CNTN4: variants seen among roughly 807,000 people sequenced by gnomAD.
CNTN4 encodes the protein contactin-4.
A neutral mutation model predicts 122.5 loss-of-function variants in CNTN4; 77 were observed. The observed-to-expected ratio is 0.63, with a 90% CI of 0.52 to 0.76. The LOEUF is 0.76. Among genes scored for constraint, CNTN4 ranks in the 30% least tolerant of loss-of-function variants. CNTN4 has a pLI of 0.00. For synonymous variants in CNTN4, 512 were observed against 447.0 expected (o/e 1.15, Z -1.83); for missense variants, 1,256 against 1,259.1 (o/e 1.00, Z 0.04).
At chr3:2,358,552 G>GAGA (rs1258273367) in intron 3 of CNTN4, among the ~76,000 whole-genome samples, 7 of 151,820 alleles carry the variant, frequency 4.6e-5, no homozygotes, top group African/African-American at 2.4e-5. Flanking sequence ...CTTGCTGAGG[G>GAGA]AGAAATAAGG....
intron 2 of CNTN4, among the ~76,000 whole-genome samples, chr3:2,293,839 G>A (rs2042215455): frequency 6.6e-6 from 1 of 151,594 alleles, no homozygotes; most frequent in Non-Finnish European, 1.5e-5. Context: ...CTTGGTATTG[G>A]GTTTGTGTCA....
At chr3:2,116,265 A>G (rs555377489) in intron 2 of CNTN4, among the ~76,000 whole-genome samples, 39 of 152,284 alleles carry the variant, frequency 2.6e-4, no homozygotes, top group Admixed American at 2.0e-3. Flanking sequence ...TAGACCAGGC[A>G]TACATCTCAA....
rs149453968 is a variant in CNTN4, at chr3:2,410,544, T to C, written c.-89+71311T>C. Among the ~76,000 whole-genome samples the C allele has an allele frequency of 3.9e-3, 596 of 152,324 alleles. 4 individuals carry two copies. Among genetic ancestry groups the C allele is most frequent in the African/African-American group, 0.014 (582 of 41,574 alleles). On this transcript the variant is annotated intron_variant, in intron 3 of 24. Coordinates refer to ENST00000418658, the MANE Select transcript of CNTN4 (RefSeq NM_175607.3). ...CTCAGAGGATATTTGAAGATAACTT[T>C]TTTATTATCCTATTTTCATATTCTG...
intron 12 of CNTN4, among the ~76,000 whole-genome samples, chr3:2,904,395 A>T (rs1387055665): frequency 6.6e-6 from 1 of 152,352 alleles, no homozygotes; most frequent in Non-Finnish European, 1.5e-5. Context: ...GTAAAAAAAT[A>T]AAAAGAAAGA....
chr3:2,765,507 T>C (rs899777466), intron 6 of CNTN4, among the ~76,000 whole-genome samples: 1 of 152,236 alleles, frequency 6.6e-6, no homozygotes, highest in Non-Finnish European at 1.5e-5. Flanking sequence ...CTATTTGTTT[T>C]CCTGGGATTA....
chr3:2,540,331 G>C (rs1215619767), intron 3 of CNTN4, among the ~76,000 whole-genome samples: 2 of 151,978 alleles, frequency 1.3e-5, no homozygotes, highest in African/African-American at 4.8e-5. Flanking sequence ...GCACCACCCA[G>C]CTGAGTCTCC....
intron 4 of CNTN4, among the ~76,000 whole-genome samples, chr3:2,581,983 G>A (rs1329176675): frequency 1.3e-5 from 2 of 152,184 alleles, no homozygotes; most frequent in Admixed American, 6.5e-5. Flanking sequence ...TTTTCCCAGA[G>A]CCAAGGAGTG....
At chr3:2,719,721 G>A (rs1178177555) in intron 4 of CNTN4, among the ~76,000 whole-genome samples, 6 of 152,156 alleles carry the variant, frequency 3.9e-5, no homozygotes. Flanking sequence ...ACCACGCTGG[G>A]CCAAGACTTC....
intron 2 of CNTN4, among the ~76,000 whole-genome samples, chr3:2,216,159 G>A (rs1476031657): frequency 6.6e-6 from 1 of 152,126 alleles, no homozygotes; most frequent in East Asian, 1.9e-4. Context: ...TGATAGATTG[G>A]ATAAAGAAAA....
At chr3:2,694,065 C>G (rs112519470) in intron 4 of CNTN4, among the ~76,000 whole-genome samples, 24 of 152,138 alleles carry the variant, frequency 1.6e-4, no homozygotes, top group Non-Finnish European at 3.5e-4. Context: ...CTCTCCAGTC[C>G]TCATACTTTC....
chr3:2,713,152 G>A (rs1009789819), intron 4 of CNTN4, among the ~76,000 whole-genome samples: 1 of 152,132 alleles, frequency 6.6e-6, no homozygotes, highest in African/African-American at 2.4e-5. Flanking sequence ...TGGGGGAGCA[G>A]TTTTGGGGAC....
intron 6 of CNTN4, among the ~76,000 whole-genome samples, chr3:2,790,155 T>C (rs1356790061): frequency 6.6e-6 from 1 of 152,238 alleles, no homozygotes; most frequent in Admixed American, 6.5e-5. Flanking sequence ...GTAATTTATA[T>C]GGAGTCACAC....
chr3:2,647,849 A>T (rs2083197745), intron 4 of CNTN4, among the ~76,000 whole-genome samples: 2 of 152,236 alleles, frequency 1.3e-5, no homozygotes, highest in Admixed American at 6.5e-5. Context: ...GGTCATTGTT[A>T]GTTTACAGTT....
At chr3:2,555,297 C>A (rs1447562808) in intron 3 of CNTN4, among the ~76,000 whole-genome samples, 2 of 152,180 alleles carry the variant, frequency 1.3e-5, no homozygotes, top group Non-Finnish European at 2.9e-5. Context: ...CACATTAGCT[C>A]CTGCTGACAA....
intron 2 of CNTN4, among the ~76,000 whole-genome samples, chr3:2,176,350 A>G (rs549405132): frequency 6.6e-5 from 10 of 152,288 alleles, no homozygotes; most frequent in African/African-American, 2.2e-4. Context: ...TAGAATATAT[A>G]TACCACTTAG....
chr3:2,996,165 G>A (rs1201626249), intron 14 of CNTN4, among the ~76,000 whole-genome samples: 1 of 152,092 alleles, frequency 6.6e-6, no homozygotes, highest in South Asian at 2.1e-4. Flanking sequence ...GGTAATATCT[G>A]TTTGGGTAAA....
intron 4 of CNTN4, among the ~76,000 whole-genome samples, chr3:2,652,421 A>G (rs1178687540): frequency 6.6e-6 from 1 of 152,164 alleles, no homozygotes; most frequent in African/African-American, 2.4e-5. Flanking sequence ...CTGCTAATCT[A>G]AACAGACACC....
chr3:2,894,918 G>A (rs2094089893), intron 10 of CNTN4, among the ~76,000 whole-genome samples: 1 of 152,222 alleles, frequency 6.6e-6, no homozygotes, highest in African/African-American at 2.4e-5. Context: ...ACCAAGAGCT[G>A]TGAATTCAAT....
intron 3 of CNTN4, among the ~76,000 whole-genome samples, chr3:2,442,593 A>T (rs957990590): frequency 2.0e-5 from 3 of 150,162 alleles, no homozygotes; most frequent in African/African-American, 7.3e-5. Context: ...ACACACACAC[A>T]TTTTTTTTTT....
Sources: allele counts gnomAD v4.1 joint callset (sites outside exome capture counted in the v4.1 genomes callset), GRCh38; gene constraint gnomAD v4.1.1; transcripts MANE v1.5; gene names NCBI Gene and HGNC (gene_info 2026-07-23, HGNC 2026-07-21).